Variants in LYPLA1 observed in about 807,000 individuals in gnomAD.
LYPLA1 encodes acyl-protein thioesterase 1.
A neutral mutation model predicts 34.0 loss-of-function variants in LYPLA1; 17 were observed. The ratio of observed to expected loss-of-function variants is 0.50; its 90% CI spans 0.34 to 0.75. The LOEUF (loss-of-function observed/expected upper bound fraction) is 0.75, where lower values mean the gene tolerates loss of function less well. Ranked by LOEUF, LYPLA1 falls within the 30% of genes least tolerant of loss-of-function variation. The pLI, the probability that LYPLA1 is intolerant of heterozygous loss-of-function variation, is 0.01. For missense variants in LYPLA1, 203 were observed against 288.8 expected, an observed-to-expected ratio of 0.70 and a Z score of 2.15; for synonymous variants, 98 against 100.8, an observed-to-expected ratio of 0.97 and a Z score of 0.17.
chr8:54,050,685 T>C (rs2129322655), intron 8 of LYPLA1, among the ~76,000 whole-genome samples: 1 of 152,358 alleles, frequency 6.6e-6, no homozygotes, highest in Non-Finnish European at 1.5e-5. Context: ...AGGGCACTTT[T>C]TAAAGCTTCT....
At chr8:54,065,669 C>T in intron 3 of LYPLA1, 79 bp downstream of exon 3, 1 of 1,031,300 alleles carries the variant, frequency 9.7e-7, no homozygotes. Context: ...TATTCAAATA[C>T]TTTTCTGGAA....
rs1270201514 is a variant in LYPLA1 at position 54,046,676 on chromosome 8, ATTGTT to A, written c.*1384_*1388del. ...CCATTTATAAAGATGCATTCTTAAT[ATTGTT>A]TTGGTCAGCTGGAATACAGCAGAAA... On this transcript the variant is annotated 3_prime_UTR_variant, in exon 9 of 9. Transcript: ENST00000316963. 2 of 152,574 alleles carry A rather than the reference ATTGTT, an allele frequency of 1.3e-5. No individual in the cohort carries two copies. Among genetic ancestry groups the A allele is most frequent in the African/African-American group, 2.4e-5 (1 of 41,458 alleles). The allele number at this position is 152,574 out of a possible 1,614,324, so 9.5% of individuals were successfully genotyped here.
chr8:54,092,638 G>A (rs1409658770), intron 2 of LYPLA1, among the ~76,000 whole-genome samples: 2 of 152,162 alleles, frequency 1.3e-5, no homozygotes, highest in African/African-American at 4.8e-5. Flanking sequence ...GGATGGCCAA[G>A]CTGTAGCCAA....
At chr8:54,053,678 G>A (rs1806004661) in intron 6 of LYPLA1, 1 of 456,158 alleles carries the variant, frequency 2.2e-6, no homozygotes, top group Non-Finnish European at 4.4e-6. Context: ...CCTGTAACAT[G>A]TAAATTCAAG....
intron 2 of LYPLA1, among the ~76,000 whole-genome samples, chr8:54,074,327 G>T (rs991548237): frequency 6.6e-6 from 1 of 152,134 alleles, no homozygotes; most frequent in Non-Finnish European, 1.5e-5. Context: ...GACTGTGAAC[G>T]GTTTACATTT....
chr8:54,075,453 G>A (rs1313717021), intron 2 of LYPLA1, among the ~76,000 whole-genome samples: 2 of 152,166 alleles, frequency 1.3e-5, no homozygotes, highest in African/African-American at 4.8e-5. Context: ...CAGCCATGTC[G>A]AGACGGACGC....
At chr8:54,089,642 TG>T (rs1424876379) in intron 2 of LYPLA1, among the ~76,000 whole-genome samples, 2 of 151,730 alleles carry the variant, frequency 1.3e-5, no homozygotes. Flanking sequence ...TTTTTTTTTT[TG>T]AGATAGGGTC....
intron 8 of LYPLA1, among the ~76,000 whole-genome samples, chr8:54,048,658 C>G (rs1805635750): frequency 6.6e-6 from 1 of 152,204 alleles, no homozygotes; most frequent in African/African-American, 2.4e-5. Context: ...CTCTTAGCCT[C>G]TTGCATTTGG....
intron 3 of LYPLA1, among the ~76,000 whole-genome samples, chr8:54,064,180 C>T (rs1806873100): frequency 6.6e-6 from 1 of 152,230 alleles, no homozygotes; most frequent in Non-Finnish European, 1.5e-5. Flanking sequence ...TTTGGGAGGC[C>T]GAGGCGGGCG....
At chr8:54,074,859 A>G (rs187606154) in intron 2 of LYPLA1, among the ~76,000 whole-genome samples, 1 of 152,346 alleles carries the variant, frequency 6.6e-6, no homozygotes, top group Non-Finnish European at 1.5e-5. Context: ...TCTGGGCTAC[A>G]TGCCAATCAG....
chr8:54,062,232 T>C, intron 5 of LYPLA1, 22 bp downstream of exon 5: 1 of 1,520,024 alleles, frequency 6.6e-7, no homozygotes, highest in Non-Finnish European at 9.0e-7. Flanking sequence ...CTTTTGGCTT[T>C]ATAAACATTT....
At chr8:54,085,464 G>A (rs1808645772) in intron 2 of LYPLA1, among the ~76,000 whole-genome samples, 4 of 152,132 alleles carry the variant, frequency 2.6e-5, no homozygotes, top group South Asian at 2.1e-4. Context: ...GGGATGTGAG[G>A]AGCCCCTCTG....
intron 2 of LYPLA1, among the ~76,000 whole-genome samples, chr8:54,076,485 A>G (rs923953023): frequency 3.3e-5 from 5 of 152,176 alleles, no homozygotes; most frequent in South Asian, 2.1e-4. Context: ...CTTTGCTTTT[A>G]TATCTCTTTG....
intron 2 of LYPLA1, among the ~76,000 whole-genome samples, chr8:54,072,934 C>CAAAAAAAAAAAAA (rs59257354): frequency 1.1e-5 from 1 of 91,720 alleles, no homozygotes. Flanking sequence ...AAGACTGAAT[C>CAAAAAAAAAAAAA]AAAAAAAAAA....
chr8:54,049,696 C>T (rs991847756), intron 8 of LYPLA1, among the ~76,000 whole-genome samples: 7 of 152,148 alleles, frequency 4.6e-5, no homozygotes, highest in Admixed American at 4.6e-4. Context: ...ACTGCATCTT[C>T]TTCCTCCCTC....
intron 8 of LYPLA1, among the ~76,000 whole-genome samples, chr8:54,048,838 C>A (rs1479792938): frequency 1.3e-5 from 2 of 152,212 alleles, no homozygotes; most frequent in African/African-American, 2.4e-5. Flanking sequence ...TCACAATACT[C>A]TGAAGTCCCA....
rs190454146 is a variant in LYPLA1, at chr8:54,098,096, G to A, written c.101+2812C>T. Among the ~76,000 whole-genome samples, 137 of 152,156 alleles carry A rather than the reference G, an allele frequency of 9.0e-4. 1 individual carries two copies. The highest frequency in any genetic ancestry group is 3.1e-3 in the African/African-American group (128 of 41,524). On this transcript the variant is annotated intron_variant, in intron 2 of 8. Transcript: ENST00000316963. The stretch of plus-strand genomic sequence containing the variant: ...AAATTAGCCGGGTGTGGTGGTGCAC[G>A]CCTGTAGTCCCAGCTACTCAGGAGG...
chr8:54,082,727 GTCTT>G (rs1808409549), intron 2 of LYPLA1, among the ~76,000 whole-genome samples: 3 of 152,092 alleles, frequency 2.0e-5, no homozygotes, highest in Admixed American at 1.3e-4. Flanking sequence ...TCATGGTACA[GTCTT>G]TCTTTCTTTT....
At chr8:54,082,642 T>C (rs1022173626) in intron 2 of LYPLA1, among the ~76,000 whole-genome samples, 4 of 152,212 alleles carry the variant, frequency 2.6e-5, no homozygotes, top group African/African-American at 4.8e-5. Context: ...TCCACTTAAA[T>C]TGCTGGAATT....
Sources: allele counts gnomAD v4.1 joint callset (sites outside exome capture counted in the v4.1 genomes callset), GRCh38; gene constraint gnomAD v4.1.1; transcripts MANE v1.5; gene names NCBI Gene and HGNC (gene_info 2026-07-23, HGNC 2026-07-21).